The following HNRNPDL variants were observed in gnomAD, a reference collection of about 807,000 sequenced individuals.
HNRNPDL encodes heterogeneous nuclear ribonucleoprotein D like.
Under a neutral mutation model 48.0 loss-of-function variants are expected in HNRNPDL, and 18 were observed. The observed-to-expected ratio is 0.38, with a 90% CI of 0.26 to 0.56. The LOEUF (loss-of-function observed/expected upper bound fraction) is 0.56, where lower values mean the gene tolerates loss of function less well. Among genes scored for constraint, HNRNPDL ranks in the 20% least tolerant of loss-of-function variants. The probability of loss-of-function intolerance (pLI) is 0.77; values close to 1 mark genes in which losing one functional copy is unlikely to be tolerated. For missense variants in HNRNPDL, 553 were observed against 540.7 expected (o/e 1.02, Z -0.23); for synonymous variants, 306 against 207.3 (o/e 1.48, Z -4.09).
rs1166958954 is a variant in HNRNPDL, at chr4:82,423,751, AC to A, written c.*1154del. Reference sequence around the variant, plus strand: ...ATATAAAACGGATTCTTTTCAATGCACCCAGAGGGTCCACTGTAATGACTCA... The same window carrying A: ...ATATAAAACGGATTCTTTTCAATGCACCAGAGGGTCCACTGTAATGACTCA... On this transcript the variant is annotated 3_prime_UTR_variant, in exon 8 of 8. Coordinates refer to ENST00000295470, the MANE Select transcript of HNRNPDL (RefSeq NM_031372.4). 6.6e-6 allele frequency: 1 copy of A among 152,170 alleles called. No homozygotes were observed. Among genetic ancestry groups the A allele is most frequent in the East Asian group, 1.9e-4 (1 of 5,200 alleles). The allele number at this position is 152,170 out of a possible 1,614,324, so 9.4% of individuals were successfully genotyped here.
chr4:82,426,750 T>C (rs1721428462), intron 5 of HNRNPDL, 117 bp from the exon 6 acceptor site: 6 of 806,416 alleles, frequency 7.4e-6, no homozygotes, highest in African/African-American at 5.2e-5. Flanking sequence ...GACATATATA[T>C]TGCTATCTGC....
intron 1 of HNRNPDL, among the ~76,000 whole-genome samples, 154 bp from the exon 2 acceptor site, chr4:82,428,600 C>T (rs978690800): frequency 2.0e-5 from 3 of 152,126 alleles, no homozygotes; most frequent in East Asian, 1.9e-4. Context: ...CACAAAAATC[C>T]CAATATCCCA....
intron 1 of HNRNPDL, 33 bp from the exon 2 acceptor site, chr4:82,428,479 C>G: frequency 6.6e-7 from 1 of 1,506,656 alleles, no homozygotes; most frequent in Non-Finnish European, 9.1e-7. Flanking sequence ...AAAAAATTAA[C>G]AATAACTCAA....
Position 82,430,398 on chromosome 4 carries a change from C to G in HNRNPDL, c.-708G>C, listed in dbSNP as rs1354147113. ...CTGCACGTGCCCCGGGCCTCTCCCGCTCGCTCAACCTGTCTGCGGAGGGCG... is the reference window on the plus strand; with the variant it reads ...CTGCACGTGCCCCGGGCCTCTCCCGGTCGCTCAACCTGTCTGCGGAGGGCG... On this transcript the variant is annotated 5_prime_UTR_variant, in exon 1 of 8. Coordinates refer to ENST00000295470, the MANE Select transcript of HNRNPDL (RefSeq NM_031372.4). The G allele has an allele frequency of 5.6e-6, 1 of 179,710 alleles. No homozygotes were observed. Among genetic ancestry groups the G allele is most frequent in the East Asian group, 1.7e-4 (1 of 6,044 alleles). The allele number at this position is 179,710 out of a possible 1,614,324, so 11.1% of individuals were successfully genotyped here.
chr4:82,427,160 C>T (rs781073121), intron 5 of HNRNPDL, 30 bp downstream of exon 5: 10 of 1,375,226 alleles, frequency 7.3e-6, no homozygotes, highest in African/African-American at 1.4e-5. Flanking sequence ...AAATAAACCA[C>T]GGAGTCATAT....
At chr4:82,426,369 T>C (rs1006975902) in intron 6 of HNRNPDL, 94 bp downstream of exon 6, 26 of 1,158,370 alleles carry the variant, frequency 2.2e-5, no homozygotes, top group Middle Eastern at 2.0e-4. Context: ...AACACTTTAA[T>C]GGAAAGCCCA....
rs772909769 is a variant in HNRNPDL, at chr4:82,423,388, G to A, written c.*1518C>T. ...CCTAAAGTTGCATGTTGAATGAACA[G>A]AATCCCTTCTAACAGCCAACATTGG... On this transcript the variant is annotated 3_prime_UTR_variant, in exon 8 of 8. Coordinates refer to ENST00000295470, the MANE Select transcript of HNRNPDL (RefSeq NM_031372.4). The A allele has an allele frequency of 3.3e-5, 5 of 152,112 alleles. No homozygotes were observed. Among genetic ancestry groups the A allele is most frequent in the Non-Finnish European group, 7.4e-5 (5 of 68,016 alleles). 9.4% of individuals were successfully genotyped at this position (152,112 alleles called of 1,614,324 possible).
intron 5 of HNRNPDL, 138 bp from the exon 6 acceptor site, chr4:82,426,771 A>G (rs1721429351): frequency 4.2e-6 from 3 of 708,184 alleles, no homozygotes; most frequent in South Asian, 1.8e-5. Context: ...TTGAAAAACT[A>G]TTTTTCCAGC....
Position 82,429,568 on chromosome 4 carries a change from G to A in HNRNPDL, c.123C>T (p.Leu41=), listed in dbSNP as rs1304613170. 1.4e-6 allele frequency: 2 copies of A among 1,421,248 alleles called. No homozygotes were observed. Among genetic ancestry groups the A allele is most frequent in the South Asian group, 1.5e-5 (1 of 65,480 alleles). 88.0% of individuals were successfully genotyped at this position (1,421,248 alleles called of 1,614,324 possible). Residue 41 remains leucine (L), a synonymous_variant, in exon 1 of 8, where the codon CTC becomes CTT. Transcript: ENST00000295470. ...RPRPPRQLAP[L]LPSLAPSSAR... ...CGGAGCTGGGAGCGAGCGAAGGGAG[G>A]AGCGGGGCTAGCTGCCGCGGCGGCC...
rs1363045963 is a variant in HNRNPDL, at chr4:82,429,532, C to A, written c.159G>T (p.Gly53=). 1 of 1,483,178 alleles carries A rather than the reference C, an allele frequency of 6.7e-7. No individual in the cohort carries two copies. Among genetic ancestry groups the A allele is most frequent in the African/African-American group, 1.5e-5 (1 of 68,382 alleles). 91.9% of individuals were successfully genotyped at this position (1,483,178 alleles called of 1,614,324 possible). A position where few individuals can be genotyped will look rare whatever the true frequency, so the allele number is the denominator to read the frequency against. ...PSLAPSSARQ[G]ARRAQRHVTA... is the part of the protein sequence containing the mutation. Reference sequence around the variant, plus strand: ...TGACGTGGCGCTGGGCCCGGCGCGCCCCCTGCCGGGCGGAGCTGGGAGCGA... The same window carrying A: ...TGACGTGGCGCTGGGCCCGGCGCGCACCCTGCCGGGCGGAGCTGGGAGCGA... The change falls in exon 1 of 8, where the codon GGG becomes GGT. Residue 53 remains glycine (G), a synonymous_variant. Coordinates refer to ENST00000295470, the MANE Select transcript of HNRNPDL (RefSeq NM_031372.4).
intron 6 of HNRNPDL, 147 bp from the exon 7 acceptor site, chr4:82,426,276 T>C (rs1237519355): frequency 3.5e-6 from 3 of 861,372 alleles, no homozygotes; most frequent in Non-Finnish European, 5.6e-6. Flanking sequence ...TCATAAATCA[T>C]ACATCCTAGT....
chr4:82,429,166 GGGGCAGCGCGCGGCTCACGAGGAACGAA>G, intron 1 of HNRNPDL, 54 bp downstream of exon 1: 2 of 1,280,552 alleles, frequency 1.6e-6, no homozygotes, highest in Non-Finnish European at 2.3e-6. Context: ...AGAAAGAATG[GGGGCAGCGCGCGGCTCACGAGGAACGAA>G]GGGCGCGTGC....
intron 6 of HNRNPDL, 91 bp from the exon 7 acceptor site, chr4:82,426,220 G>C: frequency 8.4e-7 from 1 of 1,197,506 alleles, no homozygotes; most frequent in Non-Finnish European, 1.2e-6. Context: ...ATCTTTGCAT[G>C]CTAAATAAAA....
Position 82,424,654 on chromosome 4 carries a change from T to A in HNRNPDL, c.*252A>T, listed in dbSNP as rs1340328975. The A allele has an allele frequency of 6.6e-6, 1 of 152,626 alleles. No individual in the cohort carries two copies. Among genetic ancestry groups the A allele is most frequent in the Non-Finnish European group, 1.5e-5 (1 of 68,030 alleles). 9.5% of individuals were successfully genotyped at this position (152,626 alleles called of 1,614,324 possible). On this transcript the variant is annotated 3_prime_UTR_variant, in exon 8 of 8. Transcript: ENST00000295470. ...CACATAAGGAAGCATTTATTTGAGG[T>A]TTAACATGAAATGATACAAATAAAA... is the stretch of plus-strand genomic sequence containing the variant.
rs749647461 is a variant in HNRNPDL at position 82,428,062 on chromosome 4, T to C, written c.730A>G (p.Thr244Ala). ...KVFVGGLSPD[T>A]SEEQIKEYFG... ...TATTCTTTAATTTGTTCTTCAGAAG[T>C]ATCCGGGCTCAATCCACCCACAAAA... The change falls in exon 3 of 8, where the codon ACT (threonine) becomes GCT (alanine). Residue 244 changes from threonine (T) to alanine (A), a missense_variant. Around this residue, in one of 4 missense-constraint regions of HNRNPDL, gnomAD observed 174 missense variants for 204.6 expected, o/e 0.85. Transcript: ENST00000295470. 3.7e-6 allele frequency: 6 copies of C among 1,614,180 alleles called. No individual in the cohort carries two copies. Among genetic ancestry groups the C allele is most frequent in the Non-Finnish European group, 5.1e-6 (6 of 1,180,006 alleles).
Position 82,426,096 on chromosome 4 carries a change from C to T in HNRNPDL, c.1226G>A (p.Gly409Glu). 2 of 1,613,970 alleles carry T rather than the reference C, an allele frequency of 1.2e-6. No individual in the cohort carries two copies. The highest frequency in any genetic ancestry group is 1.7e-6 in the Non-Finnish European group (2 of 1,179,942). ...GTAATTGTTTTGGTGATTGCCACCC[C>T]CTCGAGATGCCTTGCCATAAGTGCT... ...QQSTYGKASR[G>E]GGNHQNNYQP... The change falls in exon 7 of 8, where the codon GGG becomes GAG. Residue 409 changes from glycine to glutamate, a missense_variant. Around this residue, in one of 4 missense-constraint regions of HNRNPDL, gnomAD observed 9 missense variants for 28.9 expected, o/e 0.31. Transcript: ENST00000295470.
At chr4:82,427,966 TG>T in intron 3 of HNRNPDL, 51 bp downstream of exon 3, 1 of 1,554,872 alleles carries the variant, frequency 6.4e-7, no homozygotes, top group Non-Finnish European at 8.8e-7. Flanking sequence ...GGACAAGGAT[TG>T]AACATTTTAT....
chr4:82,424,626 A>C lies in HNRNPDL; in HGVS notation c.*280T>G, dbSNP rs1311849193. 1 of 152,690 alleles carries C rather than the reference A, an allele frequency of 6.5e-6. No homozygotes were observed. The highest frequency in any genetic ancestry group is 2.4e-5 in the African/African-American group (1 of 41,470). The allele number at this position is 152,690 out of a possible 1,614,324, so 9.5% of individuals were successfully genotyped here. A position where few individuals can be genotyped will look rare whatever the true frequency, so the allele number is the denominator to read the frequency against. On this transcript the variant is annotated 3_prime_UTR_variant, in exon 8 of 8. Transcript: ENST00000295470. ...TATGTAGTACCTGACGCAGAAAAGC[A>C]ATCACATAAGGAAGCATTTATTTGA...
At position 82,423,281 on chromosome 4, in the gene HNRNPDL, A is replaced by G. The variant is rs564773986; in HGVS notation, c.*1625T>C. Reference sequence around the variant, plus strand: ...CTCAATGTCAACTCGTCACCTAATCATAAATTTGAACTTACAGGATTCACT... The same window carrying G: ...CTCAATGTCAACTCGTCACCTAATCGTAAATTTGAACTTACAGGATTCACT... On this transcript the variant is annotated 3_prime_UTR_variant, in exon 8 of 8. Coordinates refer to ENST00000295470, the MANE Select transcript of HNRNPDL (RefSeq NM_031372.4). 1.2e-4 allele frequency: 19 copies of G among 152,334 alleles called. No individual in the cohort carries two copies. Among genetic ancestry groups the G allele is most frequent in the African/African-American group, 4.1e-4 (17 of 41,574 alleles). The allele number at this position is 152,334 out of a possible 1,614,324, so 9.4% of individuals were successfully genotyped here.
Sources: allele counts gnomAD v4.1 joint callset (sites outside exome capture counted in the v4.1 genomes callset), GRCh38; gene constraint gnomAD v4.1.1; regional missense constraint gnomAD v4.1.1; transcripts MANE v1.5; gene names NCBI Gene and HGNC (gene_info 2026-07-23, HGNC 2026-07-21).